Variants in GBF1 observed in about 807,000 individuals in gnomAD.
The protein encoded by GBF1 is Golgi-specific brefeldin A-resistance guanine nucleotide exchange factor 1.
In GBF1, 114 loss-of-function variants were observed where a neutral mutation model predicts 210.5. That is an observed-to-expected ratio of 0.54 (90% CI 0.47 to 0.63). The LOEUF is 0.63. GBF1 is among the 30% of genes least tolerant of loss of function. The probability of loss-of-function intolerance (pLI) is 0.00; values close to 1 mark genes in which losing one functional copy is unlikely to be tolerated. For missense variants in GBF1, 1,851 were observed against 2,357.7 expected (o/e 0.79, Z 4.45); for synonymous variants, 850 against 889.2 (o/e 0.96, Z 0.78).
At chr10:102,297,032 G>A (rs1363800393) in intron 3 of GBF1, among the ~76,000 whole-genome samples, 31 of 147,894 alleles carry the variant, frequency 2.1e-4, no homozygotes, top group Non-Finnish European at 3.7e-4. Flanking sequence ...GCAACAGAGC[G>A]AGACTGTCTC....
At chr10:102,318,198 A>AT (rs936111471) in intron 3 of GBF1, among the ~76,000 whole-genome samples, 1 of 147,082 alleles carries the variant, frequency 6.8e-6, no homozygotes, top group Non-Finnish European at 1.5e-5. Flanking sequence ...TGCCCAGTCT[A>AT]TTTATTTATT....
Position 102,366,254 on chromosome 10 carries a change from A to G in GBF1, c.2310-129A>G. 1 of 860,704 alleles carries G rather than the reference A, an allele frequency of 1.2e-6. No individual in the cohort carries two copies. The highest frequency in any genetic ancestry group is 2.4e-4 in the Middle Eastern group (1 of 4,196). 53.3% of individuals were successfully genotyped at this position (860,704 alleles called of 1,614,324 possible). A position where few individuals can be genotyped will look rare whatever the true frequency, so the allele number is the denominator to read the frequency against. ...GTTGTGTTAGGGATGAACAGGAGATACTGCCCCTTTACTAGAGACCTCAGC... is the reference window on the plus strand; with the variant it reads ...GTTGTGTTAGGGATGAACAGGAGATGCTGCCCCTTTACTAGAGACCTCAGC... On this transcript the variant is annotated intron_variant, in intron 18 of 39. Coordinates refer to ENST00000369983, the MANE Select transcript of GBF1 (RefSeq NM_001377137.1). The surrounding 1 kb of genome is among the most constrained non-coding windows in gnomAD (Gnocchi z 4.0).
chr10:102,282,093 ATTT>A (rs58472334), intron 3 of GBF1, among the ~76,000 whole-genome samples: 27 of 143,630 alleles, frequency 1.9e-4, no homozygotes, highest in Admixed American at 4.1e-4. Context: ...CACCCGGCTA[ATTT>A]TTTTTTTTTT....
intron 3 of GBF1, among the ~76,000 whole-genome samples, chr10:102,322,291 G>A (rs1341598789): frequency 6.6e-6 from 1 of 152,180 alleles, no homozygotes; most frequent in Non-Finnish European, 1.5e-5. Context: ...ACATAAATTA[G>A]TATGGAGAGA....
At chr10:102,320,860 G>C (rs2056324538) in intron 3 of GBF1, among the ~76,000 whole-genome samples, 1 of 151,530 alleles carries the variant, frequency 6.6e-6, no homozygotes, top group Non-Finnish European at 1.5e-5. Flanking sequence ...CAGTCTCGGA[G>C]TCTCGGCTCA....
intron 4 of GBF1, among the ~76,000 whole-genome samples, chr10:102,350,569 T>A (rs2058886113): frequency 6.6e-6 from 1 of 152,128 alleles, no homozygotes; most frequent in Admixed American, 6.5e-5. Flanking sequence ...TCAAAAACTC[T>A]TGTTTCCAGG....
intron 3 of GBF1, among the ~76,000 whole-genome samples, chr10:102,264,181 G>A (rs565391030): frequency 6.6e-6 from 1 of 152,280 alleles, no homozygotes; most frequent in South Asian, 2.1e-4. Flanking sequence ...TTATAAAGGA[G>A]GCAAATGTAG....
chr10:102,375,907 G>A (rs2060469019), intron 30 of GBF1, among the ~76,000 whole-genome samples: 1 of 151,870 alleles, frequency 6.6e-6, no homozygotes, highest in Non-Finnish European at 1.5e-5. Flanking sequence ...AGAATTCTGT[G>A]AGCAGACTTT....
chr10:102,231,012 G>T, the GBF1 span: 1 of 1,597,610 alleles, frequency 6.3e-7, no homozygotes, highest in Non-Finnish European at 8.5e-7. Flanking sequence ...CCAGCCCCCC[G>T]AGCGGCGCCG....
chr10:102,370,963 C>G (rs1589811393), intron 29 of GBF1, 103 bp downstream of exon 29: 1 of 1,138,304 alleles, frequency 8.8e-7, no homozygotes, highest in Admixed American at 2.1e-5. Flanking sequence ...TTTAGTGCCC[C>G]ATAGCATGAG....
intron 3 of GBF1, among the ~76,000 whole-genome samples, chr10:102,342,913 C>G (rs752558403): frequency 1.4e-4 from 22 of 152,120 alleles, no homozygotes; most frequent in Non-Finnish European, 2.6e-4. Flanking sequence ...AAAATTTCAT[C>G]TATTTAGGTA....
At chr10:102,354,077 G>T (rs889998694) in intron 8 of GBF1, among the ~76,000 whole-genome samples, 2 of 152,202 alleles carry the variant, frequency 1.3e-5, no homozygotes, top group African/African-American at 4.8e-5. Context: ...GTATTGAAGA[G>T]ATTAGTCAAG....
intron 3 of GBF1, among the ~76,000 whole-genome samples, chr10:102,287,343 T>TA (rs1565062449): frequency 7.9e-6 from 1 of 126,160 alleles, no homozygotes; most frequent in Non-Finnish European, 1.6e-5. Flanking sequence ...TATTTTATTT[T>TA]CTTTTTTTTT....
chr10:102,376,799 CGGT>C lies in GBF1; in HGVS notation c.4288+2_4288+4del. The C allele has an allele frequency of 6.2e-7, 1 of 1,608,630 alleles. No individual in the cohort carries two copies. Among genetic ancestry groups the C allele is most frequent in the Non-Finnish European group, 8.5e-7 (1 of 1,179,740 alleles). ...TCTTTGTGGAGGCCAGTCTGAATGGCGGTGGGTCAGCTGATGAGGGGGCAGCTG... is the reference window on the plus strand; with the variant it reads ...TCTTTGTGGAGGCCAGTCTGAATGGCGGGTCAGCTGATGAGGGGGCAGCTG... On this transcript the variant is annotated splice_donor_variant and coding_sequence_variant, in exon 32 of 40. Transcript: ENST00000369983. LOFTEE classifies it high-confidence loss of function.
At chr10:102,258,273 G>C (rs1174611973) in intron 1 of GBF1, among the ~76,000 whole-genome samples, 1 of 148,770 alleles carries the variant, frequency 6.7e-6, no homozygotes, top group Non-Finnish European at 1.5e-5. Context: ...TCCCATCTCA[G>C]CCTCCCGGGT....
chr10:102,326,494 A>C (rs2056912821), intron 3 of GBF1, among the ~76,000 whole-genome samples: 1 of 151,868 alleles, frequency 6.6e-6, no homozygotes, highest in Non-Finnish European at 1.5e-5. Flanking sequence ...GGGGAAGCTC[A>C]CCCCAAGCCC....
In GBF1 at chr10:102,251,750, C is replaced by G. The variant is rs180913670; in HGVS notation, c.-11+5969C>G. On this transcript the variant is annotated intron_variant, in intron 1 of 39. Transcript: ENST00000369983. ...TCTTTATGTTTTGTAGAGACAGGGT[C>G]TCGCCATGTTGCCTAAGCTGGTCTT... is the stretch of plus-strand genomic sequence containing the variant. Among the ~76,000 whole-genome samples, 5 of 152,152 alleles carry G rather than the reference C, an allele frequency of 3.3e-5. No homozygotes were observed. In the East Asian group the frequency reaches 5.8e-4, roughly 18 times the overall value.
Position 102,316,061 on chromosome 10 carries a change from C to T in GBF1, c.164-27990C>T, listed in dbSNP as rs2134062515. On this transcript the variant is annotated intron_variant, in intron 3 of 39. Transcript: ENST00000369983. The stretch of plus-strand genomic sequence containing the variant: ...TGAGGACAGTAGTCTCTGTCATTTA[C>T]CTTTCTGTTTTCCTTCCCTCCACTT... Among the ~76,000 whole-genome samples, 2 of 150,952 alleles carry T rather than the reference C, an allele frequency of 1.3e-5. 1 individual carries two copies. Among genetic ancestry groups the T allele is most frequent in the Non-Finnish European group, 3.0e-5 (2 of 67,722 alleles).
At chr10:102,377,430 T>C (rs940037716) in intron 33 of GBF1, among the ~76,000 whole-genome samples, 1 of 152,164 alleles carries the variant, frequency 6.6e-6, no homozygotes, top group African/African-American at 2.4e-5. Flanking sequence ...CTCGGCTCAC[T>C]GCAACCTCCA....
Sources: gnomAD v4.1 joint callset for allele counts (sites outside exome capture counted in the v4.1 genomes callset) on GRCh38, gnomAD v4.1.1 for gene constraint, Gnocchi (gnomAD v3.1) non-coding constraint, MANE v1.5 for transcripts, NCBI Gene and HGNC (gene_info 2026-07-23, HGNC 2026-07-21) for gene names.